The following ZP2 variants were observed in gnomAD, a reference collection of about 807,000 sequenced individuals.
ZP2 encodes zona pellucida glycoprotein 2.
In ZP2, 51 loss-of-function variants were observed where a neutral mutation model predicts 84.0. The ratio of observed to expected loss-of-function variants is 0.61; its 90% CI spans 0.49 to 0.77. The LOEUF (loss-of-function observed/expected upper bound fraction) is 0.77. Ranked by LOEUF, ZP2 falls within the 30% of genes least tolerant of loss-of-function variation. The pLI, the probability that ZP2 is intolerant of heterozygous loss-of-function variation, is 0.00. For synonymous variants in ZP2, 375 were observed against 330.9 expected, an observed-to-expected ratio of 1.13 and a Z score of -1.45; for missense variants, 909 against 911.9, an observed-to-expected ratio of 1.00 and a Z score of 0.04.
Position 21,211,332 on chromosome 16 carries a change from AG to A in ZP2, c.125del (p.Ser42PhefsTer4). 1 of 1,614,200 alleles carries A rather than the reference AG, an allele frequency of 6.2e-7. No homozygotes were observed. The highest frequency in any genetic ancestry group is 8.5e-7 in the Non-Finnish European group (1 of 1,180,026). ...CTGGAAAGGCAGGATTTACCAACTGAGAAACATCTATGGAGTTCCCTGAAGT... is the reference window on the plus strand; with the variant it reads ...CTGGAAAGGCAGGATTTACCAACTGAAAACATCTATGGAGTTCCCTGAAGT... Reference protein sequence around the residue: ...LVTSGNSIDVSQLVNPAFPGT... With the variant: ...LVTSGNSIDVXQLVNPAFPGT... On this transcript the variant is annotated frameshift_variant, in exon 2 of 19. Transcript: ENST00000574091. LOFTEE classifies it high-confidence loss of function.
chr16:21,204,482 T>C, intron 7 of ZP2, 78 bp from the exon 8 acceptor site: 1 of 1,199,612 alleles, frequency 8.3e-7, no homozygotes, highest in South Asian at 1.4e-5. Context: ...TCTTGGCAAG[T>C]ATATATCCAA....
intron 14 of ZP2, among the ~76,000 whole-genome samples, chr16:21,201,074 C>G (rs2093222637): frequency 6.6e-6 from 1 of 152,086 alleles, no homozygotes; most frequent in African/African-American, 2.4e-5. Context: ...TGGTGTGCCC[C>G]TGTAATCTCA....
At chr16:21,208,957 A>G (rs920717060) in intron 4 of ZP2, among the ~76,000 whole-genome samples, 2 of 152,206 alleles carry the variant, frequency 1.3e-5, no homozygotes, top group African/African-American at 4.8e-5. Context: ...CCAGGGCTCA[A>G]GGGCTCAAGT....
upstream of ZP2, among the ~76,000 whole-genome samples, chr16:21,212,199 T>C (rs1485486719): frequency 6.6e-6 from 1 of 152,190 alleles, no homozygotes; most frequent in African/African-American, 2.4e-5. Flanking sequence ...AGTGCTGGGA[T>C]TACAGGCGTG....
At chr16:21,209,171 C>T (rs1028622391) in intron 4 of ZP2, among the ~76,000 whole-genome samples, 4 of 152,182 alleles carry the variant, frequency 2.6e-5, no homozygotes, top group Middle Eastern at 3.4e-3. Context: ...TGGACAGATT[C>T]CCCCCACCCT....
chr16:21,198,141 T>C (rs1256666926), intron 17 of ZP2, among the ~76,000 whole-genome samples: 1 of 148,866 alleles, frequency 6.7e-6, no homozygotes, highest in Non-Finnish European at 1.5e-5. Flanking sequence ...ACACCTGTAA[T>C]CCCAGCACTT....
At chr16:21,212,553 CTG>C (rs2093279307), upstream of ZP2, among the ~76,000 whole-genome samples, 1 of 152,186 alleles carries the variant, frequency 6.6e-6, no homozygotes. Flanking sequence ...ATAAAGCTCT[CTG>C]TTACCATTTT....
Position 21,197,528 on chromosome 16 carries a change from TAG to T in ZP2, c.2188_2189del (p.Leu730ArgfsTer?), listed in dbSNP as rs747353200. 2.9e-5 allele frequency: 47 copies of T among 1,614,064 alleles called. No individual in the cohort carries two copies. The highest frequency in any genetic ancestry group is 1.6e-4 in the Middle Eastern group (1 of 6,084). On this transcript the variant is annotated frameshift_variant, in exon 19 of 19. Transcript: ENST00000574091. LOFTEE classifies it low-confidence loss of function (END_TRUNC). ...TCTCGTACAGGTAGTAGATGAAGCC[TAG>T]AGTTGCCACCACACCTGCAAAGGCA... ...VAAFAGVVATLGFIYYLYEKR... is the reference protein window; with the variant it reads ...VAAFAGVVATXGFIYYLYEKR...
intron 13 of ZP2, 72 bp downstream of exon 13, chr16:21,201,634 C>T (rs373505188): frequency 4.3e-6 from 7 of 1,609,926 alleles, no homozygotes; most frequent in South Asian, 3.3e-5. Context: ...ATTAGTCTGG[C>T]AGTATCAGGA....
At chr16:21,199,494 C>T (rs762382893) in intron 16 of ZP2, 76 bp downstream of exon 16, 5 of 1,305,114 alleles carry the variant, frequency 3.8e-6, no homozygotes, top group South Asian at 1.5e-5. Context: ...TATACCAGTC[C>T]TTAAGATCTT....
intron 1 of ZP2, 28 bp downstream of exon 1, chr16:21,211,458 C>T (rs760279648): frequency 1.9e-5 from 30 of 1,613,836 alleles, no homozygotes; most frequent in Admixed American, 6.7e-5. Context: ...CTACCATACC[C>T]CCTCCCTCCA....
At chr16:21,207,923 CA>C (rs533665337) in intron 4 of ZP2, among the ~76,000 whole-genome samples, 4 of 151,480 alleles carry the variant, frequency 2.6e-5, no homozygotes, top group South Asian at 4.2e-4. Flanking sequence ...AACAAAAACA[CA>C]AAAAAAACCC....
chr16:21,207,624 T>C (rs1475140016), intron 4 of ZP2, among the ~76,000 whole-genome samples: 1 of 147,588 alleles, frequency 6.8e-6, no homozygotes, highest in Non-Finnish European at 1.5e-5. Flanking sequence ...TCCATCTCTA[T>C]ATATATATTA....
In ZP2 at chr16:21,204,076, G is replaced by A; in HGVS notation, c.926C>T (p.Thr309Ile). ...GCTGAAATGCAATTTCATGCCATTT[G>A]TTGCTTCTAGATCAATTCCATTGTC... ...LHDNGIDLEA[T>I]NGMKLHFSKT... Residue 309 changes from threonine (T) to isoleucine (I), a missense_variant, in exon 9 of 19, where the codon ACA (threonine) becomes ATA (isoleucine). Thr to Ile is a moderately conservative substitution (Grantham distance 89, BLOSUM62 -1). Coordinates refer to ENST00000574091, the MANE Select transcript of ZP2 (RefSeq NM_001376232.1). 3 of 1,614,066 alleles carry A rather than the reference G, an allele frequency of 1.9e-6. No individual in the cohort carries two copies. Among genetic ancestry groups the A allele is most frequent in the South Asian group, 1.1e-5 (1 of 91,084 alleles).
rs886529770 is a variant in ZP2, at chr16:21,209,516, C to A, written c.330+115G>T. On this transcript the variant is annotated intron_variant, in intron 4 of 18. Coordinates refer to ENST00000574091, the MANE Select transcript of ZP2 (RefSeq NM_001376232.1). The stretch of plus-strand genomic sequence containing the variant: ...AAGAGCCACACACGAGACACCACCC[C>A]CTTGGTTGAGAGCCACTGCTTTACT... The A allele has an allele frequency of 1.2e-5, 10 of 842,840 alleles. No homozygotes were observed. The Admixed American group carries it at 1.7e-4, about 15-fold the overall frequency. 52.2% of individuals were successfully genotyped at this position (842,840 alleles called of 1,614,324 possible).
At chr16:21,212,829 C>T (rs1487580322), upstream of ZP2, among the ~76,000 whole-genome samples, 1 of 152,110 alleles carries the variant, frequency 6.6e-6, no homozygotes, top group East Asian at 1.9e-4. Flanking sequence ...CAACTTGCCC[C>T]AACAATGTCA....
upstream of ZP2, chr16:21,214,100 C>T (rs995140297): frequency 1.1e-5 from 4 of 377,768 alleles, no homozygotes; most frequent in South Asian, 1.1e-4. Flanking sequence ...GTCAGAGCCC[C>T]CAAATTTGGG....
intron 17 of ZP2, among the ~76,000 whole-genome samples, 167 bp downstream of exon 17, chr16:21,198,612 G>A (rs1048885031): frequency 2.0e-5 from 3 of 152,224 alleles, no homozygotes; most frequent in South Asian, 2.1e-4. Flanking sequence ...TTTCTAGAAG[G>A]GTACACAGGA....
upstream of ZP2, chr16:21,211,608 G>A: frequency 6.2e-7 from 1 of 1,612,426 alleles, no homozygotes; most frequent in Non-Finnish European, 8.5e-7. Flanking sequence ...TTTTATAGCA[G>A]GAAGCCAGCC....
Sources: gnomAD v4.1 joint callset for allele counts (sites outside exome capture counted in the v4.1 genomes callset) on GRCh38, gnomAD v4.1.1 for gene constraint, MANE v1.5 for transcripts, NCBI Gene and HGNC (gene_info 2026-07-23, HGNC 2026-07-21) for gene names.